MAPKAPK2: variants seen among roughly 807,000 people sequenced by gnomAD.
The protein encoded by MAPKAPK2 is MAPK activated protein kinase 2.
In MAPKAPK2, 9 loss-of-function variants were observed where a neutral mutation model predicts 48.8. That is an observed-to-expected ratio of 0.18 (90% CI 0.11 to 0.32). The LOEUF (loss-of-function observed/expected upper bound fraction) is 0.32, where lower values mean the gene tolerates loss of function less well. MAPKAPK2 is among the 10% of genes least tolerant of loss of function. MAPKAPK2 has a pLI of 1.00. For missense variants in MAPKAPK2, 331 were observed against 498.3 expected, an observed-to-expected ratio of 0.66 and a Z score of 3.20; for synonymous variants, 202 against 190.6, an observed-to-expected ratio of 1.06 and a Z score of -0.49.
chr1:206,687,106 T>A (rs1672309214), intron 1 of MAPKAPK2, among the ~76,000 whole-genome samples: 1 of 151,990 alleles, frequency 6.6e-6, no homozygotes, highest in South Asian at 2.1e-4. Flanking sequence ...TTTACAGGAG[T>A]GTTTGCTGTC....
At chr1:206,716,187 C>A (rs1338917503) in intron 1 of MAPKAPK2, among the ~76,000 whole-genome samples, 2 of 151,780 alleles carry the variant, frequency 1.3e-5, no homozygotes, top group Non-Finnish European at 2.9e-5. Context: ...CTTGTATCTT[C>A]AGCTGTGTGA....
At chr1:206,694,670 G>T (rs534238641) in intron 1 of MAPKAPK2, among the ~76,000 whole-genome samples, 2 of 152,324 alleles carry the variant, frequency 1.3e-5, no homozygotes, top group Non-Finnish European at 2.9e-5. Flanking sequence ...GAGCTCAAAG[G>T]GTCCTGCGGG....
At chr1:206,686,427 A>G (rs1672290681) in intron 1 of MAPKAPK2, among the ~76,000 whole-genome samples, 1 of 152,230 alleles carries the variant, frequency 6.6e-6, no homozygotes. Flanking sequence ...TTCAGAAGTT[A>G]AACACAATGG....
chr1:206,713,467 G>A (rs1350231995), intron 1 of MAPKAPK2, among the ~76,000 whole-genome samples: 2 of 152,196 alleles, frequency 1.3e-5, no homozygotes, highest in South Asian at 2.1e-4. Flanking sequence ...GTCAGCCAGT[G>A]GAGATGTTTA....
At chr1:206,693,897 C>T (rs1361437331) in intron 1 of MAPKAPK2, among the ~76,000 whole-genome samples, 3 of 152,200 alleles carry the variant, frequency 2.0e-5, no homozygotes, top group Non-Finnish European at 4.4e-5. Context: ...GGCCATGGCA[C>T]CTCTGGCCCT....
intron 1 of MAPKAPK2, among the ~76,000 whole-genome samples, chr1:206,697,992 T>C (rs550600885): frequency 2.0e-5 from 3 of 152,374 alleles, no homozygotes; most frequent in African/African-American, 7.2e-5. Context: ...CTTTCATCAC[T>C]GTTGTTGCAT....
rs782783220 is a variant in MAPKAPK2, at chr1:206,730,780, G to C, written c.767+17G>C. ...GTACATCCTGTGAGTGTGCTGGGGA[G>C]GGGGCTGGGTGGGGCAGGGAGTCAG... On this transcript the variant is annotated intron_variant, in intron 6 of 9. Transcript: ENST00000367103. 11 of 1,586,310 alleles carry C rather than the reference G, an allele frequency of 6.9e-6. No individual in the cohort carries two copies. Among genetic ancestry groups the C allele is most frequent in the Non-Finnish European group, 9.5e-6 (11 of 1,154,802 alleles).
In MAPKAPK2 at chr1:206,685,177, A is replaced by G; in HGVS notation, c.-53A>G. 1 of 252,520 alleles carries G rather than the reference A, an allele frequency of 4.0e-6. No individual in the cohort carries two copies. Among genetic ancestry groups the G allele is most frequent in the Non-Finnish European group, 7.2e-6 (1 of 138,654 alleles). The allele number at this position is 252,520 out of a possible 1,614,324, so 15.6% of individuals were successfully genotyped here. Reference sequence around the variant, plus strand: ...CGGCGGGGAGGGGGCCCGGAGCCGGAGGAGGGGGCGGCCGCGGGCACCCCC... The same window carrying G: ...CGGCGGGGAGGGGGCCCGGAGCCGGGGGAGGGGGCGGCCGCGGGCACCCCC... On this transcript the variant is annotated 5_prime_UTR_variant, in exon 1 of 10. Transcript: ENST00000367103.
chr1:206,720,935 T>C (rs925746735), intron 1 of MAPKAPK2, among the ~76,000 whole-genome samples: 1 of 152,216 alleles, frequency 6.6e-6, no homozygotes, highest in African/African-American at 2.4e-5. Context: ...TGGCTGTAGA[T>C]TGTGTAGCTA....
intron 1 of MAPKAPK2, among the ~76,000 whole-genome samples, chr1:206,696,572 C>T (rs146540429): frequency 7.9e-5 from 12 of 152,228 alleles, no homozygotes; most frequent in African/African-American, 2.9e-4. Context: ...GCTGTGGTGG[C>T]ACATACCCAT....
At chr1:206,716,365 T>A (rs1340025838) in intron 1 of MAPKAPK2, among the ~76,000 whole-genome samples, 1 of 152,182 alleles carries the variant, frequency 6.6e-6, no homozygotes, top group Non-Finnish European at 1.5e-5. Context: ...TCCTGTCTTC[T>A]CCCTGGCCAT....
intron 6 of MAPKAPK2, 70 bp downstream of exon 6, chr1:206,730,833 G>A: frequency 1.3e-6 from 2 of 1,501,176 alleles, no homozygotes; most frequent in East Asian, 2.3e-5. Context: ...CAGGACAAGA[G>A]GAAGAGGCAG....
chr1:206,685,222 CG>C lies in MAPKAPK2; in HGVS notation c.-5del, dbSNP rs1672238558. On this transcript the variant is annotated 5_prime_UTR_variant, in exon 1 of 10. Transcript: ENST00000367103. ...ACCCCCGCCTGTGCCCCGGCGTCCC[CG>C]GGCACCATGCTGTCCAACTCCCAGG... The C allele has an allele frequency of 2.4e-6, 1 of 421,600 alleles. No individual in the cohort carries two copies. Among genetic ancestry groups the C allele is most frequent in the Non-Finnish European group, 3.9e-6 (1 of 259,572 alleles). The allele number at this position is 421,600 out of a possible 1,614,324, so 26.1% of individuals were successfully genotyped here.
chr1:206,699,217 G>T (rs1299675747), intron 1 of MAPKAPK2, among the ~76,000 whole-genome samples: 4 of 152,180 alleles, frequency 2.6e-5, no homozygotes, highest in African/African-American at 7.2e-5. Context: ...AGATGGTGTG[G>T]TTCCTCGTTT....
At chr1:206,701,830 CTAAAAAAAAAAAAA>C (rs1376530025) in intron 1 of MAPKAPK2, among the ~76,000 whole-genome samples, 6 of 80,212 alleles carry the variant, frequency 7.5e-5, no homozygotes, top group South Asian at 4.2e-4. Flanking sequence ...GACCCTGTCT[CTAAAAAAAAAAAAA>C]AAAAAAAAAA....
chr1:206,732,449 C>T lies in MAPKAPK2; in HGVS notation c.1060-126C>T. On this transcript the variant is annotated intron_variant, in intron 9 of 9. Coordinates refer to ENST00000367103, the MANE Select transcript of MAPKAPK2 (RefSeq NM_032960.4). This position sits in a 1 kb window ranked among gnomAD's most constrained non-coding sequence, Gnocchi z 4.4. The stretch of plus-strand genomic sequence containing the variant: ...CCACTAACCAGCCCGTCTTCTCTCT[C>T]TGCTCCCACCCCTGCCGCCCTCACC... 1 of 1,498,788 alleles carries T rather than the reference C, an allele frequency of 6.7e-7. No homozygotes were observed. The highest frequency in any genetic ancestry group is 8.9e-7 in the Non-Finnish European group (1 of 1,122,352). The allele number at this position is 1,498,788 out of a possible 1,614,324, so 92.8% of individuals were successfully genotyped here.
chr1:206,730,977 C>T (rs782269136), intron 6 of MAPKAPK2, among the ~76,000 whole-genome samples, 161 bp from the exon 7 acceptor site: 3 of 152,132 alleles, frequency 2.0e-5, no homozygotes, highest in Non-Finnish European at 4.4e-5. Context: ...GCTGGATTCC[C>T]GGGCCCCGGG....
At chr1:206,725,395 C>T (rs1673671955) in intron 1 of MAPKAPK2, among the ~76,000 whole-genome samples, 1 of 152,192 alleles carries the variant, frequency 6.6e-6, no homozygotes, top group Non-Finnish European at 1.5e-5. Flanking sequence ...GTGCTGGTTA[C>T]ATCCACATGC....
intron 1 of MAPKAPK2, among the ~76,000 whole-genome samples, chr1:206,719,516 T>A (rs1553430924): frequency 7.9e-5 from 12 of 152,278 alleles, no homozygotes. Flanking sequence ...GTGAAGGGTC[T>A]GTGTGATATC....
Sources: allele counts gnomAD v4.1 joint callset (sites outside exome capture counted in the v4.1 genomes callset), GRCh38; gene constraint gnomAD v4.1.1; non-coding constraint Gnocchi (gnomAD v3.1); transcripts MANE v1.5; gene names NCBI Gene and HGNC (gene_info 2026-07-23, HGNC 2026-07-21).